The following TMEFF1 variants were observed in gnomAD, a reference collection of about 807,000 sequenced individuals.
TMEFF1 encodes the protein tomoregulin-1.
Under a neutral mutation model 47.5 loss-of-function variants are expected in TMEFF1, and 20 were observed. The observed-to-expected ratio is 0.42, with a 90% CI of 0.30 to 0.61. The LOEUF (loss-of-function observed/expected upper bound fraction) is 0.61. Ranked by LOEUF, TMEFF1 falls within the 20% of genes least tolerant of loss-of-function variation. The pLI is 0.19. For missense variants in TMEFF1, 411 were observed against 471.1 expected (o/e 0.87, Z 1.18); for synonymous variants, 162 against 166.3 (o/e 0.97, Z 0.20).
At chr9:100,474,206 T>C (rs183299088) in intron 1 of TMEFF1, among the ~76,000 whole-genome samples, 2 of 143,864 alleles carry the variant, frequency 1.4e-5, no homozygotes, top group South Asian at 2.2e-4. Flanking sequence ...GGAGTGACCA[T>C]GTGCTGATGT....
intron 4 of TMEFF1, among the ~76,000 whole-genome samples, chr9:100,514,258 C>T (rs1377554719): frequency 6.6e-6 from 1 of 151,418 alleles, no homozygotes; most frequent in African/African-American, 2.4e-5. Flanking sequence ...CTTTGAAGGT[C>T]TCCTGGAGAA....
intron 4 of TMEFF1, among the ~76,000 whole-genome samples, chr9:100,514,640 C>T (rs1838028715): frequency 1.3e-5 from 2 of 149,412 alleles, no homozygotes; most frequent in South Asian, 4.2e-4. Context: ...CACTTGAGCC[C>T]AGGAGTTTGA....
rs1399587923 is a variant in TMEFF1, at chr9:100,499,991, C to A, written c.306+1117C>A. ...CTCTTGGGCATTTTTATATCAGCCA[C>A]CTTCTGCCAAGCTTTCTTAGGTAGC... On this transcript the variant is annotated intron_variant, in intron 2 of 9. Coordinates refer to ENST00000374879, the MANE Select transcript of TMEFF1 (RefSeq NM_003692.5). 2.0e-5 allele frequency among the ~76,000 whole-genome samples: 3 copies of A among 152,300 alleles called. No homozygotes were observed. The East Asian group carries it at 5.8e-4, about 29-fold the overall frequency.
At chr9:100,530,883 C>T (rs1564019671) in intron 5 of TMEFF1, among the ~76,000 whole-genome samples, 1 of 152,144 alleles carries the variant, frequency 6.6e-6, no homozygotes. Flanking sequence ...AAAAGCTTAT[C>T]CACCATGGTC....
At chr9:100,529,295 G>A (rs1838330831) in intron 5 of TMEFF1, among the ~76,000 whole-genome samples, 1 of 151,354 alleles carries the variant, frequency 6.6e-6, no homozygotes, top group African/African-American at 2.4e-5. Context: ...ACACAGACTG[G>A]CAAATTGGAT....
chr9:100,535,692 A>C (rs939498005), intron 5 of TMEFF1, among the ~76,000 whole-genome samples: 3 of 152,192 alleles, frequency 2.0e-5, no homozygotes, highest in African/African-American at 7.2e-5. Context: ...TGGACCTGGG[A>C]GGCGGAGGTT....
At chr9:100,539,313 A>G (rs1379380531) in intron 5 of TMEFF1, among the ~76,000 whole-genome samples, 2 of 152,144 alleles carry the variant, frequency 1.3e-5, no homozygotes, top group African/African-American at 4.8e-5. Flanking sequence ...TGTCCCAGTA[A>G]GCTTTCCTAC....
chr9:100,548,061 T>C (rs1157533620), intron 6 of TMEFF1, among the ~76,000 whole-genome samples, 169 bp downstream of exon 6: 2 of 152,064 alleles, frequency 1.3e-5, no homozygotes, highest in African/African-American at 4.8e-5. Context: ...TTTTTTTTCA[T>C]TATTTTCATC....
At position 100,576,666 on chromosome 9, in the gene TMEFF1, G is replaced by T. The variant is rs1451387640; in HGVS notation, c.*66G>T. The stretch of plus-strand genomic sequence containing the variant: ...TTTATTATGTCTTTTTTTAAAGAAT[G>T]GAAATATTTATTTCAGAGGCCTTAT... On this transcript the variant is annotated 3_prime_UTR_variant, in exon 10 of 10. Transcript: ENST00000374879. The T allele has an allele frequency of 3.9e-6, 6 of 1,535,868 alleles. No homozygotes were observed. The Admixed American group carries it at 8.9e-5, about 23-fold the overall frequency.
At chr9:100,561,323 T>G in intron 7 of TMEFF1, 74 bp from the exon 8 acceptor site, 1 of 1,562,784 alleles carries the variant, frequency 6.4e-7, no homozygotes, top group South Asian at 1.2e-5. Flanking sequence ...ATTTGCTGTT[T>G]CAGAACATTT....
intron 1 of TMEFF1, among the ~76,000 whole-genome samples, chr9:100,479,117 G>A (rs776214538): frequency 1.4e-4 from 22 of 152,136 alleles, no homozygotes; most frequent in African/African-American, 5.1e-4. Context: ...GGGGAATCTC[G>A]GGCAGGGCTT....
At chr9:100,557,426 A>G (rs552230133) in intron 7 of TMEFF1, among the ~76,000 whole-genome samples, 4 of 152,234 alleles carry the variant, frequency 2.6e-5, no homozygotes, top group African/African-American at 9.6e-5. Context: ...TGTCTCACCT[A>G]GAATTCAAAT....
intron 4 of TMEFF1, among the ~76,000 whole-genome samples, chr9:100,514,579 A>C (rs1413713848): frequency 1.3e-5 from 2 of 151,438 alleles, no homozygotes. Flanking sequence ...GGCTGGGCGC[A>C]GTGGCTCATG....
rs1036585415 is a variant in TMEFF1 at position 100,509,256 on chromosome 9, G to T, written c.436+122G>T. ...TGTGGATTGGTGGTGGTTGTTGCGG[G>T]GAGTAGGGGAAATCTTTTTTGCCCT... On this transcript the variant is annotated intron_variant, in intron 3 of 9. Coordinates refer to ENST00000374879, the MANE Select transcript of TMEFF1 (RefSeq NM_003692.5). 7.1e-5 allele frequency: 92 copies of T among 1,294,182 alleles called. No homozygotes were observed. The African/African-American group carries it at 1.3e-3, about 18-fold the overall frequency. The allele number at this position is 1,294,182 out of a possible 1,614,324, so 80.2% of individuals were successfully genotyped here.
At chr9:100,538,241 A>C (rs920273243) in intron 5 of TMEFF1, among the ~76,000 whole-genome samples, 2 of 152,156 alleles carry the variant, frequency 1.3e-5, no homozygotes, top group African/African-American at 4.8e-5. Context: ...TAGTTTTAGT[A>C]GAGATGGGGT....
chr9:100,512,883 G>A (rs1250867978), intron 3 of TMEFF1, among the ~76,000 whole-genome samples: 1 of 148,796 alleles, frequency 6.7e-6, no homozygotes, highest in African/African-American at 2.5e-5. Flanking sequence ...TTTTTTTTTT[G>A]TAGTAAGACC....
chr9:100,506,157 G>A (rs1837856263), intron 2 of TMEFF1, among the ~76,000 whole-genome samples: 1 of 152,172 alleles, frequency 6.6e-6, no homozygotes. Context: ...ACCTGTGGTA[G>A]CATGCCATAT....
intron 2 of TMEFF1, among the ~76,000 whole-genome samples, chr9:100,506,090 A>C (rs1018132290): frequency 2.6e-5 from 4 of 152,238 alleles, no homozygotes; most frequent in African/African-American, 9.6e-5. Flanking sequence ...CTGAATGTAT[A>C]ACAAAGTCGA....
chr9:100,561,612 C>T (rs1839016820), intron 8 of TMEFF1, 92 bp downstream of exon 8: 1 of 1,384,432 alleles, frequency 7.2e-7, no homozygotes, highest in South Asian at 2.1e-5. Context: ...CTAAATATTA[C>T]CAGAAAGTAG....
Sources: gnomAD v4.1 joint callset for allele counts (sites outside exome capture counted in the v4.1 genomes callset) on GRCh38, gnomAD v4.1.1 for gene constraint, MANE v1.5 for transcripts, NCBI Gene and HGNC (gene_info 2026-07-23, HGNC 2026-07-21) for gene names.